The following TSPAN9 variants were observed in gnomAD, a reference collection of about 807,000 sequenced individuals.
TSPAN9 encodes the protein tetraspanin-9.
Under a neutral mutation model 31.0 loss-of-function variants are expected in TSPAN9, and 16 were observed. That is an observed-to-expected ratio of 0.52 (90% CI 0.35 to 0.78). The LOEUF is 0.78. TSPAN9 is among the 30% of genes least tolerant of loss of function. TSPAN9 has a pLI of 0.01. For missense variants in TSPAN9, 272 were observed against 312.5 expected (o/e 0.87, Z 0.98); for synonymous variants, 145 against 121.6 (o/e 1.19, Z -1.27).
chr12:3,217,727 C>T (rs930892872), intron 3 of TSPAN9, among the ~76,000 whole-genome samples: 1 of 152,138 alleles, frequency 6.6e-6, no homozygotes, highest in Admixed American at 6.5e-5. Context: ...CCCCTTCACC[C>T]CAGCATCTGA....
chr12:3,123,200 G>T (rs981930054), intron 2 of TSPAN9, among the ~76,000 whole-genome samples: 13 of 152,230 alleles, frequency 8.5e-5, no homozygotes, highest in African/African-American at 2.7e-4. Flanking sequence ...TAGCTCGGGA[G>T]TGGCGTCTGC....
At chr12:3,155,334 C>T (rs528407220) in intron 2 of TSPAN9, among the ~76,000 whole-genome samples, 8 of 152,218 alleles carry the variant, frequency 5.3e-5, no homozygotes, top group Admixed American at 1.3e-4. Flanking sequence ...CAAGTGAAAC[C>T]GAAGGCGGGC....
chr12:3,286,044 C>T lies in TSPAN9; in HGVS notation c.*2928C>T, dbSNP rs1182273462. ...CCCTCTTGCAGGTGTCCTGGTTTGA[C>T]TTGGAACTAGATGGCCATCTTTCCA... On this transcript the variant is annotated 3_prime_UTR_variant, in exon 9 of 9. Transcript: ENST00000011898. The surrounding 1 kb of genome is among the most constrained non-coding windows in gnomAD (Gnocchi z 4.1). 1 of 152,632 alleles carries T rather than the reference C, an allele frequency of 6.6e-6. No individual in the cohort carries two copies. Among genetic ancestry groups the T allele is most frequent in the Admixed American group, 6.5e-5 (1 of 15,282 alleles). The allele number at this position is 152,632 out of a possible 1,614,324, so 9.5% of individuals were successfully genotyped here. A position where few individuals can be genotyped will look rare whatever the true frequency, so the allele number is the denominator to read the frequency against.
At chr12:3,225,881 A>T (rs772639010) in intron 3 of TSPAN9, among the ~76,000 whole-genome samples, 1 of 152,154 alleles carries the variant, frequency 6.6e-6, no homozygotes, top group African/African-American at 2.4e-5. Context: ...GAACAAAGCC[A>T]TGCCAGAAGG....
intron 3 of TSPAN9, among the ~76,000 whole-genome samples, chr12:3,242,901 C>G (rs532955218): frequency 2.0e-5 from 3 of 152,242 alleles, no homozygotes; most frequent in African/African-American, 7.2e-5. Flanking sequence ...ACACCTCACA[C>G]GTGTTCCCTG....
At chr12:3,274,311 AC>A (rs1386050327) in intron 3 of TSPAN9, among the ~76,000 whole-genome samples, 2 of 152,144 alleles carry the variant, frequency 1.3e-5, no homozygotes, top group African/African-American at 4.8e-5. Flanking sequence ...CGCCAGAGGG[AC>A]CTAAGAAATG....
At chr12:3,218,356 ATGCTCCCTTGAGAC>A (rs1159428803) in intron 3 of TSPAN9, among the ~76,000 whole-genome samples, 1 of 152,144 alleles carries the variant, frequency 6.6e-6, no homozygotes, top group Non-Finnish European at 1.5e-5. Flanking sequence ...TGCTTTTAGG[ATGCTCCCTTGAGAC>A]TGCATGTTTA....
intron 3 of TSPAN9, among the ~76,000 whole-genome samples, chr12:3,249,869 C>T (rs1330934462): frequency 6.6e-6 from 1 of 152,194 alleles, no homozygotes; most frequent in East Asian, 1.9e-4. Context: ...CAATGCTGCA[C>T]CTTGTTGATG....
rs576883622 is a variant in TSPAN9 at position 3,161,825 on chromosome 12, G to A, written c.-17-39352G>A. Among the ~76,000 whole-genome samples, 9 of 151,546 alleles carry A rather than the reference G, an allele frequency of 5.9e-5. No individual in the cohort carries two copies. In the South Asian group the frequency reaches 1.3e-3, roughly 21 times the overall value. ...TATCTATCTATCTATCTGTCTGTCTGTTGTTTTAGAGATAGGGTCTCACTC... is the reference window on the plus strand; with the variant it reads ...TATCTATCTATCTATCTGTCTGTCTATTGTTTTAGAGATAGGGTCTCACTC... On this transcript the variant is annotated intron_variant, in intron 2 of 8. Coordinates refer to ENST00000011898, the MANE Select transcript of TSPAN9 (RefSeq NM_006675.5).
chr12:3,280,522 G>C lies in TSPAN9; in HGVS notation c.432+39G>C, dbSNP rs375114637. ...CGCCCTGGTGGGGCCAGGCAGGGAG[G>C]AGGGGTGGCGGCCGGTACTTCTAGC... is the stretch of plus-strand genomic sequence containing the variant. On this transcript the variant is annotated intron_variant, in intron 6 of 8. Transcript: ENST00000011898. This position sits in a 1 kb window ranked among gnomAD's most constrained non-coding sequence, Gnocchi z 4.5. The C allele has an allele frequency of 2.3e-5, 36 of 1,579,856 alleles. 1 individual carries two copies. The East Asian group carries it at 7.0e-4, about 31-fold the overall frequency.
intron 2 of TSPAN9, among the ~76,000 whole-genome samples, chr12:3,125,831 G>A (rs866851582): frequency 6.6e-6 from 1 of 152,100 alleles, no homozygotes; most frequent in Middle Eastern, 3.2e-3. Context: ...TGAGCCCAGA[G>A]AACACTTGTG....
At chr12:3,089,172 C>T (rs1384937909) in intron 2 of TSPAN9, among the ~76,000 whole-genome samples, 5 of 148,796 alleles carry the variant, frequency 3.4e-5, no homozygotes, top group Admixed American at 1.3e-4. Flanking sequence ...GTGGAGCTTG[C>T]AGTGAGCTGA....
rs1170561255 is a variant in TSPAN9 at position 3,285,919 on chromosome 12, C to CT, written c.*2804dup. The stretch of plus-strand genomic sequence containing the variant: ...TGGAAGCAGGTGTCACGGTGCAAGT[C>CT]TCCCCCTGCACCCCTCCCCCAGCTT... On this transcript the variant is annotated 3_prime_UTR_variant, in exon 9 of 9. Transcript: ENST00000011898. The CT allele has an allele frequency of 6.6e-6, 1 of 152,326 alleles. No homozygotes were observed. Among genetic ancestry groups the CT allele is most frequent in the African/African-American group, 2.4e-5 (1 of 41,446 alleles). The allele number at this position is 152,326 out of a possible 1,614,324, so 9.4% of individuals were successfully genotyped here.
chr12:3,236,525 G>T (rs762891667), intron 3 of TSPAN9, among the ~76,000 whole-genome samples: 3 of 152,162 alleles, frequency 2.0e-5, no homozygotes, highest in Admixed American at 2.0e-4. Flanking sequence ...CTGCCACCAG[G>T]ATGCTTCCTC....
Position 3,194,447 on chromosome 12 carries a change from C to T in TSPAN9, c.-17-6730C>T, listed in dbSNP as rs572326166. Among the ~76,000 whole-genome samples, 4 of 152,216 alleles carry T rather than the reference C, an allele frequency of 2.6e-5. No individual in the cohort carries two copies. The East Asian group carries it at 7.7e-4, about 29-fold the overall frequency. ...CTGTCACCCAAGCAAAGTGTGGTGG[C>T]ACAATCATGGCTCACTGCAGCCTCG... On this transcript the variant is annotated intron_variant, in intron 2 of 8. Transcript: ENST00000011898.
intron 2 of TSPAN9, among the ~76,000 whole-genome samples, chr12:3,132,091 A>G (rs539080850): frequency 6.6e-5 from 10 of 152,350 alleles, no homozygotes; most frequent in Non-Finnish European, 1.5e-4. Flanking sequence ...TGTAGTGTGC[A>G]TCAGTACTTC....
intron 2 of TSPAN9, among the ~76,000 whole-genome samples, chr12:3,196,709 A>G (rs1322897776): frequency 6.6e-6 from 1 of 152,192 alleles, no homozygotes; most frequent in East Asian, 1.9e-4. Context: ...CCCTTTGACA[A>G]GTGTGACCAG....
At chr12:3,133,826 C>G (rs1048862074) in intron 2 of TSPAN9, among the ~76,000 whole-genome samples, 4 of 152,168 alleles carry the variant, frequency 2.6e-5, no homozygotes, top group African/African-American at 9.7e-5. Context: ...AGGAAATTGG[C>G]ATTAGCATCA....
At chr12:3,193,545 G>A (rs531571966) in intron 2 of TSPAN9, among the ~76,000 whole-genome samples, 13 of 152,336 alleles carry the variant, frequency 8.5e-5, no homozygotes, top group African/African-American at 2.9e-4. Context: ...GCATGGCCAT[G>A]TTTTCTGGTA....
Sources: gnomAD v4.1 joint callset for allele counts (sites outside exome capture counted in the v4.1 genomes callset) on GRCh38, gnomAD v4.1.1 for gene constraint, Gnocchi (gnomAD v3.1) non-coding constraint, MANE v1.5 for transcripts, NCBI Gene and HGNC (gene_info 2026-07-23, HGNC 2026-07-21) for gene names.